Variants in MYO10 observed in about 807,000 individuals in gnomAD.
MYO10 encodes myosin X, also known as unconventional myosin-X.
In MYO10, 133 loss-of-function variants were observed where a neutral mutation model predicts 257.3. The ratio of observed to expected loss-of-function variants is 0.52; its 90% confidence interval spans 0.45 to 0.60. The LOEUF is 0.60. Ranked by LOEUF, MYO10 falls within the 20% of genes least tolerant of loss-of-function variation. The pLI is 0.00. For synonymous variants in MYO10, 1,104 were observed against 1,028.6 expected (o/e 1.07, Z -1.40); for missense variants, 2,399 against 2,635.7 (o/e 0.91, Z 1.97).
chr5:16,734,118 A>C (rs1561216025), intron 19 of MYO10, among the ~76,000 whole-genome samples: 1 of 148,844 alleles, frequency 6.7e-6, no homozygotes, highest in Non-Finnish European at 1.5e-5. Context: ...CAAAAAAAAA[A>C]AGAAAGAAAG....
At chr5:16,762,340 C>T (rs1740742565) in intron 15 of MYO10, among the ~76,000 whole-genome samples, 1 of 152,132 alleles carries the variant, frequency 6.6e-6, no homozygotes, top group South Asian at 2.1e-4. Context: ...TCTAAATAAG[C>T]TTGGGCATTC....
At chr5:16,843,458 A>G (rs543506300) in intron 2 of MYO10, among the ~76,000 whole-genome samples, 1 of 152,354 alleles carries the variant, frequency 6.6e-6, no homozygotes, top group East Asian at 1.9e-4. Flanking sequence ...AAAAGACTGA[A>G]GCCCACAGAG....
At chr5:16,722,505 C>T (rs1005402664) in intron 19 of MYO10, among the ~76,000 whole-genome samples, 11 of 56,952 alleles carry the variant, frequency 1.9e-4, no homozygotes, top group Admixed American at 5.4e-4. Context: ...GAAATGAAAA[C>T]GTTTTTTTGC....
chr5:16,835,910 C>T (rs369994201), intron 2 of MYO10, among the ~76,000 whole-genome samples: 76 of 152,062 alleles, frequency 5.0e-4, no homozygotes, highest in African/African-American at 1.7e-3. Flanking sequence ...GTCACTTGTT[C>T]CCCCTACTCC....
intron 1 of MYO10, among the ~76,000 whole-genome samples, chr5:16,934,222 C>G (rs968110727): frequency 1.3e-5 from 2 of 152,244 alleles, no homozygotes; most frequent in Non-Finnish European, 2.9e-5. Flanking sequence ...ATGTTCCCCC[C>G]ACTTGCACTA....
chr5:16,710,342 A>C, intron 21 of MYO10, among the ~76,000 whole-genome samples: 1 of 152,216 alleles, frequency 6.6e-6, no homozygotes, highest in East Asian at 1.9e-4. Context: ...TTTTATGTTC[A>C]GGCCCGACTG....
chr5:16,929,756 G>A (rs1382325476), intron 1 of MYO10, among the ~76,000 whole-genome samples: 39 of 152,090 alleles, frequency 2.6e-4, no homozygotes, highest in Admixed American at 2.5e-3. Flanking sequence ...AAATCCATGG[G>A]GAAAAGTCTA....
chr5:16,890,656 A>G (rs1461022757), intron 1 of MYO10, among the ~76,000 whole-genome samples: 1 of 151,396 alleles, frequency 6.6e-6, no homozygotes, highest in Non-Finnish European at 1.5e-5. Context: ...CCTGGCCAAC[A>G]CGGAGAAACC....
At chr5:16,703,592 C>A (rs1229029178) in intron 22 of MYO10, among the ~76,000 whole-genome samples, 1 of 152,082 alleles carries the variant, frequency 6.6e-6, no homozygotes, top group African/African-American at 2.4e-5. Flanking sequence ...GGAGAAGTTG[C>A]CTCAGGCCAG....
chr5:16,889,550 G>GGGCGGAC (rs1744992041), intron 1 of MYO10, among the ~76,000 whole-genome samples: 2 of 150,910 alleles, frequency 1.3e-5, no homozygotes, highest in African/African-American at 4.9e-5. Context: ...ACGAAAGGAA[G>GGGCGGAC]GAAAGGAAGG....
In MYO10 at chr5:16,879,900, G is replaced by A. The variant is rs147722980; in HGVS notation, c.22-2193C>T. Among the ~76,000 whole-genome samples the A allele has an allele frequency of 4.9e-3, 747 of 152,284 alleles. 8 individuals are homozygous for A. The highest frequency in any genetic ancestry group is 0.016 in the African/African-American group (681 of 41,540). ...GTTTAAAATCCACGAGCCAGAGGCC[G>A]GACGTGGTGGCTCACGCCTATAATC... On this transcript the variant is annotated intron_variant, in intron 1 of 40. Coordinates refer to ENST00000513610, the MANE Select transcript of MYO10 (RefSeq NM_012334.3).
chr5:16,832,971 C>G (rs1481211106), intron 2 of MYO10, among the ~76,000 whole-genome samples: 1 of 152,060 alleles, frequency 6.6e-6, no homozygotes, highest in Non-Finnish European at 1.5e-5. Context: ...GATAATAACA[C>G]AATCTAGAAT....
At chr5:16,696,967 AACAGTTAAG>A (rs1281925300) in intron 26 of MYO10, among the ~76,000 whole-genome samples, 1 of 152,214 alleles carries the variant, frequency 6.6e-6, no homozygotes, top group African/African-American at 2.4e-5. Context: ...TATTAGTAAA[AACAGTTAAG>A]ATGATTTCTA....
At position 16,687,046 on chromosome 5, in the gene MYO10, G is replaced by T. The variant is rs892253385; in HGVS notation, c.3897-1215C>A. Among the ~76,000 whole-genome samples, 5 of 152,078 alleles carry T rather than the reference G, an allele frequency of 3.3e-5. No individual in the cohort carries two copies. The South Asian group carries it at 8.3e-4, about 25-fold the overall frequency. On this transcript the variant is annotated intron_variant, in intron 28 of 40. Coordinates refer to ENST00000513610, the MANE Select transcript of MYO10 (RefSeq NM_012334.3). The stretch of plus-strand genomic sequence containing the variant: ...AGAAAATAAAGGAAAACGTGTCTGG[G>T]CATGGTGGCTCACACCTGTGATTCC...
At chr5:16,752,921 A>G (rs1055470046) in intron 19 of MYO10, among the ~76,000 whole-genome samples, 1 of 152,170 alleles carries the variant, frequency 6.6e-6, no homozygotes, top group African/African-American at 2.4e-5. Flanking sequence ...ATATTTTGAC[A>G]TACTTTTGAA....
intron 1 of MYO10, among the ~76,000 whole-genome samples, chr5:16,883,003 C>A (rs1019420133): frequency 6.6e-6 from 1 of 151,714 alleles, no homozygotes; most frequent in East Asian, 1.9e-4. Flanking sequence ...GCAAGCTCTG[C>A]CTCCCAGGTT....
chr5:16,825,865 C>A (rs1425655522), intron 2 of MYO10, among the ~76,000 whole-genome samples: 1 of 151,848 alleles, frequency 6.6e-6, no homozygotes, highest in Non-Finnish European at 1.5e-5. Context: ...CAAAACCAGG[C>A]CGGGCACGGT....
At chr5:16,711,385 A>T in intron 19 of MYO10, 140 bp from the exon 20 acceptor site, 1 of 882,698 alleles carries the variant, frequency 1.1e-6, no homozygotes, top group Non-Finnish European at 1.7e-6. Context: ...ACAGAAATAG[A>T]GACTAGCACA....
In MYO10 at chr5:16,666,530, G is replaced by C. The variant is rs557378372; in HGVS notation, c.*162C>G. 2.5e-5 allele frequency: 15 copies of C among 592,966 alleles called. No homozygotes were observed. Among genetic ancestry groups the C allele is most frequent in the Admixed American group, 1.2e-4 (4 of 32,398 alleles). The allele number at this position is 592,966 out of a possible 1,614,324, so 36.7% of individuals were successfully genotyped here. On this transcript the variant is annotated 3_prime_UTR_variant, in exon 41 of 41. Coordinates refer to ENST00000513610, the MANE Select transcript of MYO10 (RefSeq NM_012334.3). ...AGCTTAATACAGGATCAATGAAGGC[G>C]GCAGGCAAAAGGATCCTCGGAGACA...
Sources: allele counts gnomAD v4.1 joint callset (sites outside exome capture counted in the v4.1 genomes callset), GRCh38; gene constraint gnomAD v4.1.1; transcripts MANE v1.5; gene names NCBI Gene and HGNC (gene_info 2026-07-23, HGNC 2026-07-21).